Variants in GET1 observed in about 807,000 individuals in gnomAD.
The protein encoded by GET1 is congenital heart disease 5 protein.
A neutral mutation model predicts 22.6 loss-of-function variants in GET1; 20 were observed. The observed-to-expected ratio is 0.89, with a 90% CI of 0.62 to 1.29. The LOEUF is 1.29. Ranked by LOEUF, GET1 falls within the 50% of genes most tolerant of loss-of-function variation. The probability of loss-of-function intolerance (pLI) is 0.00; values close to 1 mark genes in which losing one functional copy is unlikely to be tolerated. For synonymous variants in GET1, 92 were observed against 83.8 expected (o/e 1.10, Z -0.53); for missense variants, 209 against 219.9 (o/e 0.95, Z 0.31).
At chr21:39,381,894 C>A (rs965763440) in intron 1 of GET1, among the ~76,000 whole-genome samples, 1 of 151,898 alleles carries the variant, frequency 6.6e-6, no homozygotes, top group Non-Finnish European at 1.5e-5. Context: ...TGCACCACCA[C>A]GCCCAGGTAT....
chr21:39,419,861 AAGAT>A (rs2041986083), intron 1 of GET1, among the ~76,000 whole-genome samples: 1 of 152,228 alleles, frequency 6.6e-6, no homozygotes, highest in Non-Finnish European at 1.5e-5. Flanking sequence ...TGAAGGCAGA[AAGAT>A]AGCAAAAAGC....
intron 1 of GET1, among the ~76,000 whole-genome samples, chr21:39,382,369 T>C (rs531854333): frequency 1.3e-5 from 2 of 152,354 alleles, no homozygotes; most frequent in East Asian, 3.9e-4. Flanking sequence ...CCCAGAACTT[T>C]TTTTATCTCC....
chr21:39,413,910 CAG>C (rs1401217253), intron 1 of GET1: 2 of 152,480 alleles, frequency 1.3e-5, no homozygotes, highest in African/African-American at 4.8e-5. Context: ...ACAGCAACAA[CAG>C]AACAACAACA....
chr21:39,410,231 A>T (rs562331010), downstream of GET1: 7 of 1,363,832 alleles, frequency 5.1e-6, no homozygotes, highest in Non-Finnish European at 7.3e-6. Context: ...GACATGTTTA[A>T]TCAGACACTG....
intron 1 of GET1, among the ~76,000 whole-genome samples, chr21:39,417,808 C>T (rs2041510137): frequency 1.3e-5 from 2 of 152,114 alleles, no homozygotes; most frequent in South Asian, 2.1e-4. Flanking sequence ...CTCTGTCGCC[C>T]AGGCTGGAGT....
chr21:39,411,843 C>A, intron 1 of GET1: 1 of 1,107,460 alleles, frequency 9.0e-7, no homozygotes, highest in Non-Finnish European at 1.4e-6. Flanking sequence ...TAAATGCTTG[C>A]TTTTGTCAAC....
intron 4 of GET1, among the ~76,000 whole-genome samples, chr21:39,395,802 A>G (rs1601638625): frequency 6.6e-6 from 1 of 151,994 alleles, no homozygotes; most frequent in African/African-American, 2.4e-5. Context: ...GCATCCAGCC[A>G]CCCTTCCATG....
intron 3 of GET1, among the ~76,000 whole-genome samples, chr21:39,392,280 C>G (rs1229815824): frequency 2.6e-5 from 4 of 152,188 alleles, no homozygotes; most frequent in African/African-American, 9.7e-5. Context: ...CTTCTAGCCT[C>G]CCTGCCTGGG....
At chr21:39,414,713 C>CCTCT (rs147915021) in intron 1 of GET1, among the ~76,000 whole-genome samples, 1,289 of 119,858 alleles carry the variant, frequency 0.011, 23 homozygotes, top group East Asian at 0.044. Flanking sequence ...TGGTTCTCTC[C>CCTCT]CTCTCTCTCT....
intron 1 of GET1, 31 bp downstream of exon 1, chr21:39,380,517 G>T (rs1569026563): frequency 6.3e-7 from 1 of 1,592,620 alleles, no homozygotes; most frequent in African/African-American, 1.3e-5. Context: ...CCAAGGGCCG[G>T]TGGGGATGCC....
At chr21:39,380,688 G>A in intron 1 of GET1, 4 of 1,389,498 alleles carry the variant, frequency 2.9e-6, no homozygotes, top group Non-Finnish European at 2.8e-6. Flanking sequence ...TGGGTTCTAG[G>A]GGGTTGGGAG....
chr21:39,425,193 T>A (rs1486187474), intron 1 of GET1, among the ~76,000 whole-genome samples: 2 of 152,190 alleles, frequency 1.3e-5, no homozygotes, highest in African/African-American at 2.4e-5. Context: ...GGAAGGACAC[T>A]TAGTGGCCAG....
chr21:39,382,445 C>T (rs1032141938), intron 1 of GET1, among the ~76,000 whole-genome samples: 19 of 152,324 alleles, frequency 1.2e-4, no homozygotes, highest in African/African-American at 4.6e-4. Context: ...TGGCAATCAC[C>T]ATTGTACTTT....
intron 1 of GET1, among the ~76,000 whole-genome samples, chr21:39,426,905 T>C (rs539691727): frequency 1.8e-4 from 28 of 152,292 alleles, no homozygotes; most frequent in Admixed American, 1.5e-3. Flanking sequence ...GAGACTCTGA[T>C]GAAAGGTACA....
chr21:39,380,766 T>C, intron 1 of GET1: 1 of 1,140,198 alleles, frequency 8.8e-7, no homozygotes, highest in Non-Finnish European at 1.1e-6. Flanking sequence ...TGGGAGTTCC[T>C]AGTGCCCCGC....
intron 1 of GET1, among the ~76,000 whole-genome samples, chr21:39,419,971 TTA>T (rs1235759855): frequency 3.3e-5 from 5 of 152,190 alleles, no homozygotes; most frequent in Non-Finnish European, 5.9e-5. Flanking sequence ...TAAGATAAAT[TTA>T]TGAGTCATTA....
downstream of GET1, among the ~76,000 whole-genome samples, chr21:39,408,850 G>A (rs2039567841): frequency 6.6e-6 from 1 of 152,210 alleles, no homozygotes; most frequent in South Asian, 2.1e-4. Context: ...ATATTCAAGG[G>A]AGCTGAAGCT....
At chr21:39,404,570 C>G (rs1229681132) in intron 4 of GET1, among the ~76,000 whole-genome samples, 1 of 151,944 alleles carries the variant, frequency 6.6e-6, no homozygotes, top group Non-Finnish European at 1.5e-5. Flanking sequence ...CATGGCAAAA[C>G]CATTTTTAGT....
intron 1 of GET1, among the ~76,000 whole-genome samples, chr21:39,418,913 G>A (rs1380858356): frequency 6.6e-6 from 1 of 152,114 alleles, no homozygotes; most frequent in Non-Finnish European, 1.5e-5. Context: ...TGTGTTTGCT[G>A]TGACCAGGGG....
Sources: gnomAD v4.1 joint callset for allele counts (sites outside exome capture counted in the v4.1 genomes callset) on GRCh38, gnomAD v4.1.1 for gene constraint, MANE v1.5 for transcripts, NCBI Gene and HGNC (gene_info 2026-07-23, HGNC 2026-07-21) for gene names.